Variants in SFTPD observed in about 807,000 individuals in gnomAD.
SFTPD encodes the protein pulmonary surfactant-associated protein D.
Under a neutral mutation model 34.6 loss-of-function variants are expected in SFTPD, and 18 were observed. The ratio of observed to expected loss-of-function variants is 0.52; its 90% CI spans 0.36 to 0.77. The LOEUF is 0.77. Ranked by LOEUF, SFTPD falls within the 30% of genes least tolerant of loss-of-function variation. The pLI, the probability that SFTPD is intolerant of heterozygous loss-of-function variation, is 0.00. For missense variants in SFTPD, 433 were observed against 468.9 expected (o/e 0.92, Z 0.71); for synonymous variants, 155 against 180.9 (o/e 0.86, Z 1.15).
intron 2 of SFTPD, among the ~76,000 whole-genome samples, chr10:79,945,940 T>A (rs981118520): frequency 6.6e-6 from 1 of 152,216 alleles, no homozygotes; most frequent in Non-Finnish European, 1.5e-5. Flanking sequence ...TTAAATGAAC[T>A]ACTCCAGTGA....
At chr10:79,948,157 T>C (rs549287134) in intron 1 of SFTPD, among the ~76,000 whole-genome samples, 3 of 152,338 alleles carry the variant, frequency 2.0e-5, no homozygotes, top group South Asian at 2.1e-4. Context: ...GTGAGCTCAC[T>C]GCCAGCAGCG....
chr10:79,976,997 G>T (rs1183303430), intron 1 of SFTPD, among the ~76,000 whole-genome samples: 1 of 152,174 alleles, frequency 6.6e-6, no homozygotes, highest in Non-Finnish European at 1.5e-5. Flanking sequence ...TGTAAGAAGT[G>T]CCTTTCTCCT....
intron 1 of SFTPD, among the ~76,000 whole-genome samples, chr10:79,963,024 T>C (rs1842783618): frequency 6.6e-6 from 1 of 152,144 alleles, no homozygotes; most frequent in East Asian, 1.9e-4. Context: ...TACCTTTCCT[T>C]ATTCCTGGTG....
chr10:79,969,788 C>T (rs911499215), intron 1 of SFTPD: 2 of 152,034 alleles, frequency 1.3e-5, no homozygotes, highest in Admixed American at 6.5e-5. Context: ...TATATAGTAA[C>T]CCTTTATCAG....
upstream of SFTPD, among the ~76,000 whole-genome samples, chr10:79,949,806 T>G (rs989056201): frequency 6.6e-6 from 1 of 152,112 alleles, no homozygotes; most frequent in Non-Finnish European, 1.5e-5. Flanking sequence ...TGTAACTAGT[T>G]AGGACCCCTG....
chr10:79,939,715 C>T (rs1842593112), intron 7 of SFTPD, among the ~76,000 whole-genome samples: 1 of 152,218 alleles, frequency 6.6e-6, no homozygotes, highest in Non-Finnish European at 1.5e-5. Flanking sequence ...ACTCTCATTT[C>T]AGAGCTTGGG....
chr10:79,963,707 G>A (rs942537574), intron 1 of SFTPD, among the ~76,000 whole-genome samples: 1 of 152,088 alleles, frequency 6.6e-6, no homozygotes, highest in African/African-American at 2.4e-5. Context: ...CATTTTAGGA[G>A]CTTATTATAT....
At chr10:79,944,964 G>C (rs1408542611) in intron 2 of SFTPD, among the ~76,000 whole-genome samples, 3 of 151,938 alleles carry the variant, frequency 2.0e-5, no homozygotes, top group Non-Finnish European at 4.4e-5. Context: ...ACCTATTCTG[G>C]GTAGATTCTG....
chr10:79,965,630 G>A (rs1258766515), intron 1 of SFTPD, among the ~76,000 whole-genome samples: 1 of 79,680 alleles, frequency 1.3e-5, no homozygotes, highest in Non-Finnish European at 2.1e-5. Flanking sequence ...TGTGCACATT[G>A]TGCAGGTTAG....
intron 5 of SFTPD, 31 bp from the exon 6 acceptor site, chr10:79,941,545 G>A: frequency 1.3e-6 from 2 of 1,502,864 alleles, no homozygotes; most frequent in Non-Finnish European, 1.8e-6. Context: ...GGTGAGCTAT[G>A]TACTCATTTT....
intron 6 of SFTPD, 33 bp downstream of exon 6, chr10:79,941,365 G>A (rs199546836): frequency 6.9e-6 from 11 of 1,593,202 alleles, no homozygotes; most frequent in Middle Eastern, 1.7e-4. Context: ...ATGCCCCAGC[G>A]GGGCTTCCCT....
At chr10:79,949,856 A>AT (rs5786427), upstream of SFTPD, among the ~76,000 whole-genome samples, 25,769 of 146,028 alleles carry the variant, frequency 0.18, 2,878 homozygotes, top group African/African-American at 0.31. Flanking sequence ...GTCTGTATGT[A>AT]TTTTTTTTTT....
intron 2 of SFTPD, among the ~76,000 whole-genome samples, chr10:79,944,959 T>C (rs1160238252): frequency 1.3e-5 from 2 of 152,002 alleles, no homozygotes; most frequent in African/African-American, 4.8e-5. Context: ...CAGAGACCTA[T>C]TCTGGGTAGA....
chr10:79,953,811 T>C (rs1842724326), upstream of SFTPD, among the ~76,000 whole-genome samples: 1 of 152,106 alleles, frequency 6.6e-6, no homozygotes, highest in Non-Finnish European at 1.5e-5. Flanking sequence ...CTTCATCGTG[T>C]CCCATAAGTC....
intron 1 of SFTPD, chr10:79,969,628 T>A (rs1842824470): frequency 6.6e-6 from 1 of 152,232 alleles, no homozygotes; most frequent in African/African-American, 2.4e-5. Context: ...ATAGTAGTTT[T>A]AATTTCCATT....
intron 1 of SFTPD, chr10:79,972,513 G>GACACAC (rs148640132): frequency 0.015 from 2,209 of 148,900 alleles, 53 homozygotes; most frequent in African/African-American, 0.046. Context: ...CACACACACA[G>GACACAC]ACACACACAC....
intron 1 of SFTPD, among the ~76,000 whole-genome samples, chr10:79,981,579 C>A (rs534583756): frequency 6.6e-6 from 1 of 152,252 alleles, no homozygotes; most frequent in African/African-American, 2.4e-5. Context: ...CGACGGTTGC[C>A]GGGAAGCGCG....
intron 1 of SFTPD, among the ~76,000 whole-genome samples, chr10:79,947,634 G>A (rs1842678439): frequency 6.6e-6 from 1 of 152,138 alleles, no homozygotes; most frequent in Non-Finnish European, 1.5e-5. Context: ...AGGGTGCAGT[G>A]AGCCGAGATC....
chr10:79,955,513 C>G (rs1011523644), intron 1 of SFTPD, among the ~76,000 whole-genome samples: 3 of 152,146 alleles, frequency 2.0e-5, no homozygotes, highest in African/African-American at 7.2e-5. Context: ...AATCTTGAAG[C>G]TTGATAGTCT....
Sources: allele counts gnomAD v4.1 joint callset (sites outside exome capture counted in the v4.1 genomes callset), GRCh38; gene constraint gnomAD v4.1.1; transcripts MANE v1.5; gene names NCBI Gene and HGNC (gene_info 2026-07-23, HGNC 2026-07-21).